ZBTB20: variants seen among roughly 807,000 people sequenced by gnomAD.
ZBTB20 encodes the protein zinc finger and BTB domain-containing protein 20.
In ZBTB20, 9 loss-of-function variants were observed where a neutral mutation model predicts 56.9. The ratio of observed to expected loss-of-function variants is 0.16; its 90% CI spans 0.10 to 0.28. ZBTB20 has a LOEUF of 0.28. Ranked by LOEUF, ZBTB20 falls within the 10% of genes least tolerant of loss-of-function variation. The probability of loss-of-function intolerance (pLI) is 1.00; values close to 1 mark genes in which losing one functional copy is unlikely to be tolerated. For missense variants in ZBTB20, 655 were observed against 1,003.0 expected (o/e 0.65, Z 4.69); for synonymous variants, 417 against 420.7 (o/e 0.99, Z 0.11).
intron 1 of ZBTB20, among the ~76,000 whole-genome samples, chr3:115,080,577 C>T (rs7611118): frequency 0.15 from 23,091 of 152,060 alleles, 3,449 homozygotes; most frequent in African/African-American, 0.39. Flanking sequence ...TACCAAAAGG[C>T]AGACTTAATA....
intron 2 of ZBTB20, among the ~76,000 whole-genome samples, chr3:115,026,239 A>C (rs916334762): frequency 6.6e-6 from 1 of 150,972 alleles, no homozygotes; most frequent in Non-Finnish European, 1.5e-5. Flanking sequence ...ATTTCCCCTC[A>C]TCTACTTTCT....
chr3:114,840,588 G>C (rs2074340249), intron 4 of ZBTB20, among the ~76,000 whole-genome samples: 1 of 152,170 alleles, frequency 6.6e-6, no homozygotes, highest in South Asian at 2.1e-4. Flanking sequence ...CGTCTAGCTT[G>C]AGCTTAAGTC....
intron 10 of ZBTB20, chr3:114,379,325 T>C (rs2084033153): frequency 6.6e-6 from 1 of 152,248 alleles, no homozygotes; most frequent in African/African-American, 2.4e-5. Context: ...AGAAGAGTTG[T>C]TGGGTATGTT....
At position 114,542,605 on chromosome 3, in the gene ZBTB20, G is replaced by A. The variant is rs560709965; in HGVS notation, c.-294-42214C>T. The stretch of plus-strand genomic sequence containing the variant: ...GAAAGTGTTTTTGCATTTGAAAGCA[G>A]CTAAGTTACCTTGTGTAATGAAAAG... On this transcript the variant is annotated intron_variant, in intron 6 of 11. Coordinates refer to ENST00000675478, the MANE Select transcript of ZBTB20 (RefSeq NM_001348800.3). Among the ~76,000 whole-genome samples, 34 of 152,298 alleles carry A rather than the reference G, an allele frequency of 2.2e-4. No individual in the cohort carries two copies. The East Asian group carries it at 2.3e-3, about 10-fold the overall frequency.
intron 2 of ZBTB20, among the ~76,000 whole-genome samples, chr3:115,004,862 T>C (rs1414706927): frequency 6.6e-6 from 1 of 151,826 alleles, no homozygotes; most frequent in Non-Finnish European, 1.5e-5. Flanking sequence ...AGGATCTCTA[T>C]GGTACTGAAA....
At chr3:114,820,642 C>A (rs921086577) in intron 4 of ZBTB20, among the ~76,000 whole-genome samples, 9 of 152,048 alleles carry the variant, frequency 5.9e-5, no homozygotes, top group South Asian at 4.1e-4. Flanking sequence ...AAATCAGATA[C>A]CGATAAAAAT....
chr3:114,727,080 T>C (rs1282590592), intron 5 of ZBTB20, among the ~76,000 whole-genome samples: 7 of 152,018 alleles, frequency 4.6e-5, no homozygotes, highest in Non-Finnish European at 1.0e-4. Flanking sequence ...TACCAACACA[T>C]AGAGAAACCT....
chr3:114,539,424 C>T (rs2110093359), intron 6 of ZBTB20, among the ~76,000 whole-genome samples: 1 of 152,212 alleles, frequency 6.6e-6, no homozygotes, highest in African/African-American at 2.4e-5. Flanking sequence ...GTAAAGTTTT[C>T]AAAGTGCTTC....
chr3:114,879,725 T>C (rs2076326286), intron 4 of ZBTB20, among the ~76,000 whole-genome samples: 1 of 152,212 alleles, frequency 6.6e-6, no homozygotes, highest in Non-Finnish European at 1.5e-5. Flanking sequence ...AATTATCTGT[T>C]GGTATCCGAC....
intron 5 of ZBTB20, among the ~76,000 whole-genome samples, chr3:114,702,193 A>C (rs2063433164): frequency 6.6e-6 from 1 of 152,106 alleles, no homozygotes. Flanking sequence ...GTGAAAAAAA[A>C]ATTAGCAGGC....
Position 114,752,200 on chromosome 3 carries a change from G to A in ZBTB20, c.-343+48901C>T, listed in dbSNP as rs1578701417. Among the ~76,000 whole-genome samples, 3 of 152,164 alleles carry A rather than the reference G, an allele frequency of 2.0e-5. No homozygotes were observed. In the South Asian group the frequency reaches 6.2e-4, roughly 32 times the overall value. ...CCAATAATTTGGTAAAGATCACACAGATAGAAAAGAGGTACAAGTCAGGAT... is the reference window on the plus strand; with the variant it reads ...CCAATAATTTGGTAAAGATCACACAAATAGAAAAGAGGTACAAGTCAGGAT... On this transcript the variant is annotated intron_variant, in intron 5 of 11. Transcript: ENST00000675478.
chr3:114,324,743 C>T lies in ZBTB20; in HGVS notation c.*14262G>A, dbSNP rs1287072347. Reference sequence around the variant, plus strand: ...ATAGTAGGATTTCTTAAGGAGCTTACTTCTTTCTAAAGATTAGTCTAGAAT... The same window carrying T: ...ATAGTAGGATTTCTTAAGGAGCTTATTTCTTTCTAAAGATTAGTCTAGAAT... On this transcript the variant is annotated 3_prime_UTR_variant, in exon 12 of 12. Coordinates refer to ENST00000675478, the MANE Select transcript of ZBTB20 (RefSeq NM_001348800.3). 1.3e-5 allele frequency: 2 copies of T among 152,158 alleles called. No homozygotes were observed. The highest frequency in any genetic ancestry group is 2.4e-5 in the African/African-American group (1 of 41,446). The allele number at this position is 152,158 out of a possible 1,614,324, so 9.4% of individuals were successfully genotyped here.
intron 7 of ZBTB20, among the ~76,000 whole-genome samples, chr3:114,401,083 G>GACACACAGACACAC (rs2086780813): frequency 7.5e-6 from 1 of 133,022 alleles, no homozygotes; most frequent in African/African-American, 3.1e-5. Flanking sequence ...CTACCTCCCA[G>GACACACAGACACAC]ACACACACAC....
At chr3:115,092,229 A>G (rs1347653296) in intron 1 of ZBTB20, among the ~76,000 whole-genome samples, 2 of 152,082 alleles carry the variant, frequency 1.3e-5, no homozygotes, top group African/African-American at 4.8e-5. Context: ...ACAATTTGCC[A>G]ATTTTTTGCA....
intron 3 of ZBTB20, among the ~76,000 whole-genome samples, chr3:114,940,139 T>TACC (rs2076678503): frequency 6.8e-6 from 1 of 146,044 alleles, no homozygotes; most frequent in Admixed American, 6.6e-5. Flanking sequence ...ATATGCCAGG[T>TACC]ACTGTGCAAG....
chr3:114,610,139 T>C (rs375879734), intron 6 of ZBTB20, among the ~76,000 whole-genome samples: 1 of 152,130 alleles, frequency 6.6e-6, no homozygotes, highest in Non-Finnish European at 1.5e-5. Flanking sequence ...TGACCCGCAG[T>C]TCTTGCCCAT....
intron 4 of ZBTB20, among the ~76,000 whole-genome samples, chr3:114,892,991 T>G (rs930813291): frequency 1.3e-5 from 2 of 152,246 alleles, no homozygotes; most frequent in African/African-American, 4.8e-5. Flanking sequence ...TGAGGCCTTA[T>G]GGATACCTTG....
intron 1 of ZBTB20, among the ~76,000 whole-genome samples, chr3:115,146,832 A>G (rs1310633746): frequency 1.3e-5 from 2 of 151,458 alleles, no homozygotes; most frequent in African/African-American, 2.4e-5. Flanking sequence ...CTCCAGGCGC[A>G]GGGAGTAGAG....
chr3:114,616,072 C>T (rs1022376669), intron 6 of ZBTB20, among the ~76,000 whole-genome samples: 1 of 152,204 alleles, frequency 6.6e-6, no homozygotes, highest in African/African-American at 2.4e-5. Context: ...GATAACACAT[C>T]TAATGACTCG....
Sources: gnomAD v4.1 joint callset for allele counts (sites outside exome capture counted in the v4.1 genomes callset) on GRCh38, gnomAD v4.1.1 for gene constraint, MANE v1.5 for transcripts, NCBI Gene and HGNC (gene_info 2026-07-23, HGNC 2026-07-21) for gene names.